The following DPP10 variants were observed in gnomAD, a reference collection of about 807,000 sequenced individuals.
The protein encoded by DPP10 is inactive dipeptidyl peptidase 10.
Under a neutral mutation model 120.9 loss-of-function variants are expected in DPP10, and 33 were observed. The ratio of observed to expected loss-of-function variants is 0.27; its 90% CI spans 0.21 to 0.37. The LOEUF (loss-of-function observed/expected upper bound fraction) is 0.37, where lower values mean the gene tolerates loss of function less well. Ranked by LOEUF, DPP10 falls within the 10% of genes least tolerant of loss-of-function variation. The pLI, the probability that DPP10 is intolerant of heterozygous loss-of-function variation, is 1.00. For synonymous variants in DPP10, 337 were observed against 326.1 expected (o/e 1.03, Z -0.36); for missense variants, 816 against 942.8 (o/e 0.87, Z 1.76).
intron 1 of DPP10, among the ~76,000 whole-genome samples, chr2:114,708,473 C>T (rs1165664046): frequency 6.6e-6 from 1 of 152,158 alleles, no homozygotes; most frequent in African/African-American, 2.4e-5. Context: ...TCTCTGGGGC[C>T]CTGTCTTCCT....
chr2:115,647,514 A>G (rs142663047), intron 5 of DPP10, among the ~76,000 whole-genome samples: 155 of 152,278 alleles, frequency 1.0e-3, no homozygotes, highest in African/African-American at 3.5e-3. Context: ...AACAAGGTAG[A>G]TGTTGTATTA....
chr2:115,476,351 A>G lies in DPP10; in HGVS notation c.272-23159A>G, dbSNP rs186281071. On this transcript the variant is annotated intron_variant, in intron 3 of 25. Transcript: ENST00000410059. ...GCCTGCTCCCCCTTTGCCTTCCACC[A>G]TAATTGTAAGCTTCCTGAGGCCTCT... Among the ~76,000 whole-genome samples, 692 of 152,244 alleles carry G rather than the reference A, an allele frequency of 4.5e-3. 20 individuals carry two copies. Among genetic ancestry groups the G allele is most frequent in the Admixed American group, 0.041 (634 of 15,282 alleles).
intron 1 of DPP10, among the ~76,000 whole-genome samples, chr2:115,073,019 G>A (rs1573509106): frequency 6.6e-6 from 1 of 152,246 alleles, no homozygotes; most frequent in African/African-American, 2.4e-5. Flanking sequence ...CTAACCTCAG[G>A]TGATCCACCC....
chr2:114,867,286 A>G (rs1250724097), intron 1 of DPP10, among the ~76,000 whole-genome samples: 2 of 152,202 alleles, frequency 1.3e-5, no homozygotes, highest in South Asian at 4.1e-4. Context: ...CTTATTCAAT[A>G]CAATTTGAGT....
chr2:114,585,093 A>C (rs1690842463), intron 1 of DPP10, among the ~76,000 whole-genome samples: 1 of 152,192 alleles, frequency 6.6e-6, no homozygotes, highest in South Asian at 2.1e-4. Context: ...GCAGGTTAGA[A>C]TTTTATCACT....
At chr2:114,709,741 G>A (rs946741472) in intron 1 of DPP10, among the ~76,000 whole-genome samples, 1 of 152,140 alleles carries the variant, frequency 6.6e-6, no homozygotes. Flanking sequence ...GTGAATTGCA[G>A]ATCGATCTAT....
chr2:115,096,771 G>A (rs1053483317), intron 1 of DPP10, among the ~76,000 whole-genome samples: 14 of 152,090 alleles, frequency 9.2e-5, no homozygotes, highest in African/African-American at 2.9e-4. Flanking sequence ...ATACATGTAT[G>A]TACTTGTATA....
intron 3 of DPP10, among the ~76,000 whole-genome samples, chr2:115,424,649 T>C (rs2070293519): frequency 6.6e-6 from 1 of 152,060 alleles, no homozygotes; most frequent in South Asian, 2.1e-4. Context: ...AAAATATATA[T>C]AGATAAGGAT....
chr2:114,911,258 C>T (rs1694348229), intron 1 of DPP10, among the ~76,000 whole-genome samples: 1 of 152,086 alleles, frequency 6.6e-6, no homozygotes, highest in South Asian at 2.1e-4. Flanking sequence ...ATCAAGTTGA[C>T]AAGTACTAGC....
intron 5 of DPP10, among the ~76,000 whole-genome samples, chr2:115,677,488 C>T (rs914477364): frequency 5.3e-5 from 8 of 151,856 alleles, no homozygotes; most frequent in African/African-American, 9.7e-5. Context: ...ATGGCTGAAT[C>T]GATTAAAAAA....
At position 115,700,629 on chromosome 2, in the gene DPP10, G is replaced by T. The variant is rs1405228527; in HGVS notation, c.576+10708G>T. 2.0e-5 allele frequency among the ~76,000 whole-genome samples: 3 copies of T among 151,910 alleles called. No individual in the cohort carries two copies. In the East Asian group the frequency reaches 5.8e-4, roughly 29 times the overall value. On this transcript the variant is annotated intron_variant, in intron 7 of 25. Coordinates refer to ENST00000410059, the MANE Select transcript of DPP10 (RefSeq NM_020868.6). ...AAAATAAAATCAATTCAAATGGAAA[G>T]AAAAATAAAATTATTTCCATTTACA...
At position 115,753,372 on chromosome 2, in the gene DPP10, T is replaced by G. The variant is rs1678994834; in HGVS notation, c.1074+75T>G. 28 of 1,389,652 alleles carry G rather than the reference T, an allele frequency of 2.0e-5. No individual in the cohort carries two copies. In the East Asian group the frequency reaches 7.0e-4, roughly 35 times the overall value. The allele number at this position is 1,389,652 out of a possible 1,614,324, so 86.1% of individuals were successfully genotyped here. Reference sequence around the variant, plus strand: ...AGCTTTACAAAGGGGAAACAGGAAATGCTTTGTACAAAAAAAATTCAGTGT... The same window carrying G: ...AGCTTTACAAAGGGGAAACAGGAAAGGCTTTGTACAAAAAAAATTCAGTGT... On this transcript the variant is annotated intron_variant, in intron 11 of 25. Coordinates refer to ENST00000410059, the MANE Select transcript of DPP10 (RefSeq NM_020868.6).
intron 1 of DPP10, among the ~76,000 whole-genome samples, chr2:114,516,810 C>A (rs979786348): frequency 3.9e-5 from 6 of 152,080 alleles, no homozygotes; most frequent in Admixed American, 1.3e-4. Flanking sequence ...CACTGTTGGG[C>A]TTTTTTTAAA....
At chr2:115,054,077 T>C (rs1705709276) in intron 1 of DPP10, among the ~76,000 whole-genome samples, 1 of 152,208 alleles carries the variant, frequency 6.6e-6, no homozygotes, top group South Asian at 2.1e-4. Context: ...ACAAGTAGGA[T>C]AGAGCAGCTA....
intron 5 of DPP10, among the ~76,000 whole-genome samples, chr2:115,635,870 G>GA (rs1331320355): frequency 6.6e-6 from 1 of 152,140 alleles, no homozygotes; most frequent in Non-Finnish European, 1.5e-5. Context: ...ATTAATGAAA[G>GA]AATTATCAAT....
In DPP10 at chr2:114,890,750, G is replaced by A. The variant is rs182172757; in HGVS notation, c.61-418489G>A. On this transcript the variant is annotated intron_variant, in intron 1 of 25. Coordinates refer to ENST00000410059, the MANE Select transcript of DPP10 (RefSeq NM_020868.6). Reference sequence around the variant, plus strand: ...GAGGCTCTAATAACTTCGAAATGGCGATATCTTCATCTATCCTATTTATTG... The same window carrying A: ...GAGGCTCTAATAACTTCGAAATGGCAATATCTTCATCTATCCTATTTATTG... 6.6e-5 allele frequency among the ~76,000 whole-genome samples: 10 copies of A among 152,242 alleles called. No homozygotes were observed. The East Asian group carries it at 9.7e-4, about 15-fold the overall frequency.
intron 1 of DPP10, among the ~76,000 whole-genome samples, chr2:115,006,820 G>C (rs1701882765): frequency 6.6e-6 from 1 of 151,640 alleles, no homozygotes; most frequent in African/African-American, 2.4e-5. Context: ...GAGACAGAAA[G>C]TCAACAAGGA....
intron 1 of DPP10, among the ~76,000 whole-genome samples, chr2:115,042,429 GCTATTTTT>G (rs1379205983): frequency 6.6e-6 from 1 of 152,140 alleles, no homozygotes; most frequent in Non-Finnish European, 1.5e-5. Flanking sequence ...ACCACTGCTG[GCTATTTTT>G]TGTATTTTGA....
intron 5 of DPP10, among the ~76,000 whole-genome samples, chr2:115,662,427 GTTTTTTATTTTTT>G: frequency 1.6e-5 from 2 of 125,074 alleles, no homozygotes; most frequent in Middle Eastern, 4.0e-3. Context: ...TTTTATTTTT[GTTTTTTATTTTTT>G]TTTTTTAGCA....
Sources: allele counts gnomAD v4.1 joint callset (sites outside exome capture counted in the v4.1 genomes callset), GRCh38; gene constraint gnomAD v4.1.1; transcripts MANE v1.5; gene names NCBI Gene and HGNC (gene_info 2026-07-23, HGNC 2026-07-21).